ATP6V1H: variants seen among roughly 807,000 people sequenced by gnomAD.
The protein encoded by ATP6V1H is V-type proton ATPase subunit H.
Under a neutral mutation model 71.7 loss-of-function variants are expected in ATP6V1H, and 39 were observed. The observed-to-expected ratio is 0.54, with a 90% CI of 0.42 to 0.71. ATP6V1H has a LOEUF of 0.71. Ranked by LOEUF, ATP6V1H falls within the 30% of genes least tolerant of loss-of-function variation. ATP6V1H has a pLI of 0.00. For synonymous variants in ATP6V1H, 192 were observed against 199.3 expected, an observed-to-expected ratio of 0.96 and a Z score of 0.31; for missense variants, 509 against 594.9, an observed-to-expected ratio of 0.86 and a Z score of 1.50.
At chr8:53,755,501 CG>C (rs1160673091) in intron 12 of ATP6V1H, among the ~76,000 whole-genome samples, 2 of 40,256 alleles carry the variant, frequency 5.0e-5, no homozygotes, top group Non-Finnish European at 9.3e-5. Context: ...GATTAGGTTA[CG>C]GGGGGTGGGG....
chr8:53,791,378 C>A (rs1809560435), intron 9 of ATP6V1H, among the ~76,000 whole-genome samples: 2 of 152,108 alleles, frequency 1.3e-5, no homozygotes, highest in Non-Finnish European at 2.9e-5. Flanking sequence ...CATGTTGGCC[C>A]CACTAGTTCT....
At chr8:53,831,621 G>A (rs1463823360) in intron 3 of ATP6V1H, among the ~76,000 whole-genome samples, 2 of 152,238 alleles carry the variant, frequency 1.3e-5, no homozygotes, top group African/African-American at 2.4e-5. Context: ...GGGGGTGCTG[G>A]AGCAGGGGCA....
At chr8:53,724,380 T>C (rs1383460396) in intron 13 of ATP6V1H, among the ~76,000 whole-genome samples, 1 of 152,136 alleles carries the variant, frequency 6.6e-6, no homozygotes, top group African/African-American at 2.4e-5. Context: ...CCTAATATCC[T>C]TTTTCTCTCC....
At chr8:53,779,212 C>T (rs563597322) in intron 9 of ATP6V1H, among the ~76,000 whole-genome samples, 39 of 152,154 alleles carry the variant, frequency 2.6e-4, no homozygotes, top group Admixed American at 1.6e-3. Flanking sequence ...ACACAGAACA[C>T]AACTCCACTG....
intron 13 of ATP6V1H, among the ~76,000 whole-genome samples, chr8:53,727,351 T>C (rs548532113): frequency 2.0e-5 from 3 of 152,322 alleles, no homozygotes; most frequent in African/African-American, 7.2e-5. Flanking sequence ...ACAGCACATG[T>C]TCCTGGTTTT....
chr8:53,760,902 T>C (rs1010911731), intron 11 of ATP6V1H, among the ~76,000 whole-genome samples: 1 of 152,238 alleles, frequency 6.6e-6, no homozygotes, highest in Admixed American at 6.5e-5. Context: ...TTTCCCAAGA[T>C]GGTGGTCACT....
intron 9 of ATP6V1H, among the ~76,000 whole-genome samples, chr8:53,782,017 A>T (rs1458524908): frequency 6.6e-6 from 1 of 152,182 alleles, no homozygotes; most frequent in African/African-American, 2.4e-5. Flanking sequence ...TTAACTTGGC[A>T]ATGCAGGATC....
chr8:53,841,547 T>A (rs1452531062), intron 2 of ATP6V1H, 31 bp downstream of exon 2: 5 of 1,610,458 alleles, frequency 3.1e-6, no homozygotes, highest in Non-Finnish European at 4.2e-6. Context: ...AGCATATGAC[T>A]GTCCATGATT....
At chr8:53,817,875 G>A (rs540361709) in intron 4 of ATP6V1H, among the ~76,000 whole-genome samples, 5 of 152,148 alleles carry the variant, frequency 3.3e-5, no homozygotes, top group African/African-American at 9.6e-5. Flanking sequence ...GCCATACGAG[G>A]GAAATCAAAA....
intron 3 of ATP6V1H, among the ~76,000 whole-genome samples, chr8:53,830,502 G>GT (rs982687399): frequency 6.6e-6 from 1 of 151,894 alleles, no homozygotes; most frequent in Admixed American, 6.6e-5. Flanking sequence ...AAATAGTTGG[G>GT]TTTTTTAATC....
At chr8:53,746,256 T>G (rs1807599575) in intron 12 of ATP6V1H, among the ~76,000 whole-genome samples, 1 of 151,790 alleles carries the variant, frequency 6.6e-6, no homozygotes, top group Non-Finnish European at 1.5e-5. Flanking sequence ...TTGATATTAT[T>G]ATGTTTATTT....
intron 13 of ATP6V1H, among the ~76,000 whole-genome samples, chr8:53,721,899 T>C (rs1023904632): frequency 4.6e-5 from 7 of 152,202 alleles, no homozygotes; most frequent in Admixed American, 2.0e-4. Context: ...AAAGAGGTGA[T>C]CCATGAAATT....
At chr8:53,770,353 G>T (rs1808610577) in intron 10 of ATP6V1H, among the ~76,000 whole-genome samples, 1 of 152,106 alleles carries the variant, frequency 6.6e-6, no homozygotes, top group East Asian at 1.9e-4. Flanking sequence ...CCATTCACTG[G>T]ATAGTAACTT....
chr8:53,817,313 G>A (rs1478384161), intron 5 of ATP6V1H, 104 bp downstream of exon 5: 15 of 642,854 alleles, frequency 2.3e-5, no homozygotes, highest in Admixed American at 3.2e-5. Context: ...CAAGGCAGGC[G>A]GACTGCTTGA....
At chr8:53,810,784 G>A (rs1810248366) in intron 7 of ATP6V1H, among the ~76,000 whole-genome samples, 1 of 152,082 alleles carries the variant, frequency 6.6e-6, no homozygotes, top group Admixed American at 6.6e-5. Flanking sequence ...TCTTTCAAAT[G>A]TTTGACGCTT....
chr8:53,808,121 C>T (rs112043309), intron 7 of ATP6V1H, among the ~76,000 whole-genome samples: 21 of 152,194 alleles, frequency 1.4e-4, no homozygotes, highest in African/African-American at 4.3e-4. Context: ...GAACAGGACA[C>T]GGAAACATGT....
At chr8:53,772,596 C>A (rs1305739325) in intron 9 of ATP6V1H, among the ~76,000 whole-genome samples, 1 of 152,088 alleles carries the variant, frequency 6.6e-6, no homozygotes, top group Non-Finnish European at 1.5e-5. Flanking sequence ...CATTTTCCCC[C>A]ATCTCTAATC....
chr8:53,742,804 T>TA (rs774600136), intron 13 of ATP6V1H, among the ~76,000 whole-genome samples: 5 of 152,196 alleles, frequency 3.3e-5, no homozygotes, highest in African/African-American at 7.2e-5. Flanking sequence ...CTGGTAGCAT[T>TA]ACTGTCAGTT....
chr8:53,779,271 A>T (rs1394554103), intron 9 of ATP6V1H, among the ~76,000 whole-genome samples: 1 of 152,082 alleles, frequency 6.6e-6, no homozygotes, highest in African/African-American at 2.4e-5. Context: ...ACTATGACAG[A>T]CTATAAGACA....
Sources: gnomAD v4.1 joint callset for allele counts (sites outside exome capture counted in the v4.1 genomes callset) on GRCh38, gnomAD v4.1.1 for gene constraint, MANE v1.5 for transcripts, NCBI Gene and HGNC (gene_info 2026-07-23, HGNC 2026-07-21) for gene names.